ST6GALNAC3: variants seen among roughly 807,000 people sequenced by gnomAD.
ST6GALNAC3 encodes the protein alpha-N-acetylgalactosaminide alpha-2,6-sialyltransferase 3.
A neutral mutation model predicts 32.7 loss-of-function variants in ST6GALNAC3; 25 were observed. The observed-to-expected ratio is 0.76, with a 90% CI of 0.56 to 1.07. ST6GALNAC3 has a LOEUF of 1.07. ST6GALNAC3 is among the 50% of genes least tolerant of loss of function. The probability of loss-of-function intolerance (pLI) is 0.00; values close to 1 mark genes in which losing one functional copy is unlikely to be tolerated. For synonymous variants in ST6GALNAC3, 129 were observed against 133.1 expected (o/e 0.97, Z 0.21); for missense variants, 355 against 382.4 (o/e 0.93, Z 0.60).
intron 3 of ST6GALNAC3, among the ~76,000 whole-genome samples, chr1:76,529,475 C>G (rs950390350): frequency 6.6e-6 from 1 of 152,088 alleles, no homozygotes; most frequent in Admixed American, 6.6e-5. Context: ...GAATATTATG[C>G]ATCTTTTCTG....
Position 76,216,363 on chromosome 1 carries a change from C to T in ST6GALNAC3, c.19-97442C>T, listed in dbSNP as rs184756687. Among the ~76,000 whole-genome samples, 99 of 152,306 alleles carry T rather than the reference C, an allele frequency of 6.5e-4. 3 individuals are homozygous for T. The highest frequency in any genetic ancestry group is 2.4e-3 in the African/African-American group (98 of 41,568). On this transcript the variant is annotated intron_variant, in intron 1 of 4. Coordinates refer to ENST00000328299, the MANE Select transcript of ST6GALNAC3 (RefSeq NM_152996.4). ...GCCCCACAAGGGCCAGGACTTTTGT[C>T]GGATGTGTTTGCCAATGTATCCCCA...
chr1:76,177,727 G>A lies in ST6GALNAC3; in HGVS notation c.18+102843G>A, dbSNP rs1012526843. Among the ~76,000 whole-genome samples, 2 of 152,178 alleles carry A rather than the reference G, an allele frequency of 1.3e-5. 1 individual carries two copies. The highest frequency in any genetic ancestry group is 4.1e-4 in the South Asian group (2 of 4,832). On this transcript the variant is annotated intron_variant, in intron 1 of 4. Coordinates refer to ENST00000328299, the MANE Select transcript of ST6GALNAC3 (RefSeq NM_152996.4). Reference sequence around the variant, plus strand: ...ATGATTCCCGAAGATACCATAAGCAGCAGAAAGTCTTCTTTCCTCTTTCAT... The same window carrying A: ...ATGATTCCCGAAGATACCATAAGCAACAGAAAGTCTTCTTTCCTCTTTCAT...
intron 2 of ST6GALNAC3, among the ~76,000 whole-genome samples, chr1:76,362,896 C>T (rs1210051851): frequency 6.6e-6 from 1 of 152,176 alleles, no homozygotes; most frequent in Non-Finnish European, 1.5e-5. Flanking sequence ...TGCAAGCTGT[C>T]AGTAGATCTA....
At chr1:76,548,525 C>T (rs896585262) in intron 3 of ST6GALNAC3, among the ~76,000 whole-genome samples, 4 of 152,110 alleles carry the variant, frequency 2.6e-5, no homozygotes, top group Non-Finnish European at 5.9e-5. Flanking sequence ...GGCAGGATGA[C>T]ATAGCAGGAG....
chr1:76,407,151 C>T (rs1653892757), intron 2 of ST6GALNAC3, among the ~76,000 whole-genome samples: 1 of 151,986 alleles, frequency 6.6e-6, no homozygotes, highest in African/African-American at 2.4e-5. Context: ...TTTACAAAGC[C>T]ATTCCTTAGG....
chr1:76,267,012 G>A (rs1038380386), intron 1 of ST6GALNAC3, among the ~76,000 whole-genome samples: 1 of 152,208 alleles, frequency 6.6e-6, no homozygotes, highest in Non-Finnish European at 1.5e-5. Context: ...AGCAGGCAAT[G>A]CCAATGTGAA....
intron 1 of ST6GALNAC3, among the ~76,000 whole-genome samples, chr1:76,159,542 C>T (rs145167387): frequency 6.3e-4 from 96 of 152,264 alleles, no homozygotes; most frequent in African/African-American, 2.0e-3. Flanking sequence ...CTGGGGTCAG[C>T]CTGCTTCTGG....
rs566069023 is a variant in ST6GALNAC3, at chr1:76,543,780, T to A, written c.624-83672T>A. 3.3e-5 allele frequency among the ~76,000 whole-genome samples: 5 copies of A among 152,328 alleles called. No individual in the cohort carries two copies. The South Asian group carries it at 8.3e-4, about 25-fold the overall frequency. ...ACATCCAAAGGCTCAAGCCGATGTATCTTTTTCAACCACAGAGCAGTAATT... is the reference window on the plus strand; with the variant it reads ...ACATCCAAAGGCTCAAGCCGATGTAACTTTTTCAACCACAGAGCAGTAATT... On this transcript the variant is annotated intron_variant, in intron 3 of 4. Coordinates refer to ENST00000328299, the MANE Select transcript of ST6GALNAC3 (RefSeq NM_152996.4).
At chr1:76,339,159 A>T (rs1647749999) in intron 2 of ST6GALNAC3, among the ~76,000 whole-genome samples, 1 of 152,198 alleles carries the variant, frequency 6.6e-6, no homozygotes, top group South Asian at 2.1e-4. Context: ...AGTTGCTCAC[A>T]TCCTAATTCC....
chr1:76,088,305 A>G (rs926317960), intron 1 of ST6GALNAC3, among the ~76,000 whole-genome samples: 3 of 152,218 alleles, frequency 2.0e-5, no homozygotes, highest in Non-Finnish European at 4.4e-5. Context: ...TAGAGCAGAG[A>G]ATCACTAGTA....
At chr1:76,302,645 C>T (rs553871266) in intron 1 of ST6GALNAC3, among the ~76,000 whole-genome samples, 68 of 152,020 alleles carry the variant, frequency 4.5e-4, no homozygotes, top group South Asian at 1.7e-3. Flanking sequence ...GCTCTAAGGG[C>T]TTTTTATATG....
chr1:76,556,614 C>A (rs1664941534), intron 3 of ST6GALNAC3, among the ~76,000 whole-genome samples: 1 of 152,052 alleles, frequency 6.6e-6, no homozygotes, highest in African/African-American at 2.4e-5. Context: ...GTTGCATTTC[C>A]TAGTTGGCTA....
intron 1 of ST6GALNAC3, among the ~76,000 whole-genome samples, chr1:76,075,710 C>A (rs563851712): frequency 1.5e-5 from 2 of 135,050 alleles, no homozygotes; most frequent in Admixed American, 1.5e-4. Flanking sequence ...CCCCTGCCCT[C>A]GTTTTTTTTT....
intron 1 of ST6GALNAC3, among the ~76,000 whole-genome samples, chr1:76,164,528 G>A (rs1473320292): frequency 6.6e-6 from 1 of 152,048 alleles, no homozygotes; most frequent in Non-Finnish European, 1.5e-5. Context: ...GACCTTTAAG[G>A]GCATGTATGT....
chr1:76,573,643 G>A (rs753958011), intron 3 of ST6GALNAC3, among the ~76,000 whole-genome samples: 1 of 145,884 alleles, frequency 6.9e-6, no homozygotes, highest in Non-Finnish European at 1.5e-5. Flanking sequence ...AGCCAAGGTA[G>A]TGTCTTCCCC....
At chr1:76,125,074 T>C (rs1649154345) in intron 1 of ST6GALNAC3, among the ~76,000 whole-genome samples, 1 of 152,266 alleles carries the variant, frequency 6.6e-6, no homozygotes, top group Non-Finnish European at 1.5e-5. Flanking sequence ...CTTTACTTTT[T>C]GTTAATGTAA....
At chr1:76,168,186 C>G (rs1652249548) in intron 1 of ST6GALNAC3, among the ~76,000 whole-genome samples, 1 of 152,094 alleles carries the variant, frequency 6.6e-6, no homozygotes, top group South Asian at 2.1e-4. Context: ...TACATTGTAT[C>G]TTTGCTCTCA....
Position 76,631,101 on chromosome 1 carries a change from A to G in ST6GALNAC3, c.*2295A>G. 2 of 865,798 alleles carry G rather than the reference A, an allele frequency of 2.3e-6. No individual in the cohort carries two copies. The highest frequency in any genetic ancestry group is 1.4e-6 in the Non-Finnish European group (1 of 721,042). The allele number at this position is 865,798 out of a possible 1,614,324, so 53.6% of individuals were successfully genotyped here. On this transcript the variant is annotated 3_prime_UTR_variant, in exon 5 of 5. Coordinates refer to ENST00000328299, the MANE Select transcript of ST6GALNAC3 (RefSeq NM_152996.4). ...TTTCTCTGATGAAGACTTCTGCAGT[A>G]TATTGTATCCCTCACTCTATAGCAG...
intron 1 of ST6GALNAC3, among the ~76,000 whole-genome samples, chr1:76,217,637 C>A (rs901003226): frequency 6.6e-6 from 1 of 152,158 alleles, no homozygotes; most frequent in Admixed American, 6.5e-5. Context: ...GAACACTGTA[C>A]CCAATGTGTA....
Sources: gnomAD v4.1 joint callset for allele counts (sites outside exome capture counted in the v4.1 genomes callset) on GRCh38, gnomAD v4.1.1 for gene constraint, MANE v1.5 for transcripts, NCBI Gene and HGNC (gene_info 2026-07-23, HGNC 2026-07-21) for gene names.